Variants in SPIDR observed in about 807,000 individuals in gnomAD.
SPIDR encodes scaffold protein involved in DNA repair.
SPIDR carries 93 observed loss-of-function variants against 104.6 expected under a neutral mutation model. That is an observed-to-expected ratio of 0.89 (90% CI 0.75 to 1.06). The LOEUF is 1.06. SPIDR is among the 50% of genes least tolerant of loss of function. The pLI is 0.00. For synonymous variants in SPIDR, 431 were observed against 416.9 expected, an observed-to-expected ratio of 1.03 and a Z score of -0.41; for missense variants, 1,154 against 1,111.2, an observed-to-expected ratio of 1.04 and a Z score of -0.55.
At chr8:47,613,802 A>G (rs1341028660) in intron 10 of SPIDR, among the ~76,000 whole-genome samples, 3 of 152,064 alleles carry the variant, frequency 2.0e-5, no homozygotes, top group Non-Finnish European at 4.4e-5. Context: ...TGATTTTTCA[A>G]GTCTTTTTTT....
chr8:47,442,910 T>C (rs888153924), intron 8 of SPIDR, among the ~76,000 whole-genome samples: 34 of 152,192 alleles, frequency 2.2e-4, no homozygotes, highest in Non-Finnish European at 4.3e-4. Context: ...CCTTCTCAAC[T>C]TCTCATTTTT....
At chr8:47,717,221 A>G (rs1022487799) in intron 16 of SPIDR, among the ~76,000 whole-genome samples, 3 of 152,118 alleles carry the variant, frequency 2.0e-5, no homozygotes, top group African/African-American at 7.2e-5. Context: ...GCTCATGTAT[A>G]AGGACATCCC....
intron 11 of SPIDR, among the ~76,000 whole-genome samples, chr8:47,683,608 T>C (rs1447678662): frequency 2.6e-5 from 4 of 152,214 alleles, no homozygotes; most frequent in African/African-American, 9.7e-5. Flanking sequence ...TTTTGAAATA[T>C]GTGCATTATA....
intron 8 of SPIDR, among the ~76,000 whole-genome samples, chr8:47,484,942 T>G (rs1265217680): frequency 6.6e-6 from 1 of 152,156 alleles, no homozygotes; most frequent in East Asian, 1.9e-4. Flanking sequence ...ATGGGTGATA[T>G]CTGCATTTCC....
At chr8:47,358,104 C>T (rs2054920268) in intron 5 of SPIDR, among the ~76,000 whole-genome samples, 1 of 152,166 alleles carries the variant, frequency 6.6e-6, no homozygotes, top group Non-Finnish European at 1.5e-5. Context: ...TTAGGTCTCG[C>T]TCTGTTGCCC....
chr8:47,384,439 C>CT (rs1160396506), intron 5 of SPIDR, among the ~76,000 whole-genome samples: 1 of 151,984 alleles, frequency 6.6e-6, no homozygotes, highest in African/African-American at 2.4e-5. Flanking sequence ...ATTACTTTTT[C>CT]TTTTTTTTAG....
At position 47,729,098 on chromosome 8, in the gene SPIDR, C is replaced by T. The variant is rs1172569171; in HGVS notation, c.2550+51C>T. On this transcript the variant is annotated intron_variant, in intron 18 of 19. Coordinates refer to ENST00000297423, the MANE Select transcript of SPIDR (RefSeq NM_001080394.4). ...GCACTCCTAGCTCACTCCAACATAG[C>T]GAAGGTGAGACAGAGCTGAAGCAGG... 8 of 1,600,460 alleles carry T rather than the reference C, an allele frequency of 5.0e-6. No homozygotes were observed. Among genetic ancestry groups the T allele is most frequent in the Non-Finnish European group, 6.8e-6 (8 of 1,174,710 alleles).
At chr8:47,639,860 A>C (rs2068575997) in intron 10 of SPIDR, among the ~76,000 whole-genome samples, 1 of 152,072 alleles carries the variant, frequency 6.6e-6, no homozygotes, top group Non-Finnish European at 1.5e-5. Flanking sequence ...AGGCAGGAGA[A>C]TCGCTTGAAC....
chr8:47,719,094 G>C (rs1427489209), intron 16 of SPIDR, among the ~76,000 whole-genome samples: 3 of 152,138 alleles, frequency 2.0e-5, no homozygotes, highest in South Asian at 2.1e-4. Context: ...AGGCACCATT[G>C]GTTTGCCAAT....
chr8:47,727,112 C>T, intron 16 of SPIDR, 88 bp from the exon 17 acceptor site: 1 of 1,113,570 alleles, frequency 9.0e-7, no homozygotes, highest in Non-Finnish European at 1.3e-6. Flanking sequence ...CACGAGGCCC[C>T]TCATGTTGTC....
rs575030812 is a variant in SPIDR, at chr8:47,712,970, C to T, written c.2188+98C>T. On this transcript the variant is annotated intron_variant, in intron 15 of 19. Transcript: ENST00000297423. ...TGGATGCCTCCTTGTTGCTTGGACG[C>T]TGCCGGCACCTTCACGGAGCCCATC... 291 of 1,547,280 alleles carry T rather than the reference C, an allele frequency of 1.9e-4. 5 individuals carry two copies. The South Asian group carries it at 3.3e-3, about 17-fold the overall frequency.
chr8:47,623,728 A>T (rs2065521930), intron 10 of SPIDR, among the ~76,000 whole-genome samples: 1 of 152,226 alleles, frequency 6.6e-6, no homozygotes, highest in Non-Finnish European at 1.5e-5. Flanking sequence ...GAGCACCCAG[A>T]TTCATAAAGC....
In SPIDR at chr8:47,688,215, C is replaced by T. The variant is rs563308440; in HGVS notation, c.1686-12188C>T. 3.3e-5 allele frequency among the ~76,000 whole-genome samples: 5 copies of T among 152,170 alleles called. No individual in the cohort carries two copies. In the East Asian group the frequency reaches 7.7e-4, roughly 24 times the overall value. ...TGCAATCTTGGCTCACTGCAAGCCC[C>T]GCCTCCTGGATTCACACCATTCTTA... is the stretch of plus-strand genomic sequence containing the variant. On this transcript the variant is annotated intron_variant, in intron 11 of 19. Transcript: ENST00000297423.
chr8:47,453,239 A>G (rs1172919506), intron 8 of SPIDR, among the ~76,000 whole-genome samples: 1 of 152,180 alleles, frequency 6.6e-6, no homozygotes, highest in Non-Finnish European at 1.5e-5. Flanking sequence ...AGGAACAAAC[A>G]TTCCATGCTC....
chr8:47,333,496 G>T (rs1258886545), intron 5 of SPIDR, among the ~76,000 whole-genome samples: 70 of 151,966 alleles, frequency 4.6e-4, no homozygotes, highest in Non-Finnish European at 1.5e-4. Context: ...TAGAGACAGG[G>T]TTTCACCATG....
chr8:47,291,931 A>G (rs2039980902), intron 4 of SPIDR, among the ~76,000 whole-genome samples: 5 of 152,176 alleles, frequency 3.3e-5, no homozygotes, highest in African/African-American at 9.6e-5. Flanking sequence ...TTTGGGCCAG[A>G]TGATTCTTTG....
rs2086187368 is a variant in SPIDR, at chr8:47,735,767, G to T, written c.*317G>T. 1 of 524,736 alleles carries T rather than the reference G, an allele frequency of 1.9e-6. No individual in the cohort carries two copies. The highest frequency in any genetic ancestry group is 3.3e-6 in the Non-Finnish European group (1 of 299,568). The allele number at this position is 524,736 out of a possible 1,614,324, so 32.5% of individuals were successfully genotyped here. On this transcript the variant is annotated 3_prime_UTR_variant, in exon 20 of 20. Transcript: ENST00000297423. ...AGAAAAAAATTTTTTTTGTTCATTT[G>T]TAATTTTAACAAGTTGAACATTTTA...
At chr8:47,529,583 A>T (rs911349122) in intron 8 of SPIDR, among the ~76,000 whole-genome samples, 4 of 152,178 alleles carry the variant, frequency 2.6e-5, no homozygotes, top group African/African-American at 9.7e-5. Flanking sequence ...ACCTTGCAAG[A>T]AATGTTAAAA....
At chr8:47,562,217 A>G (rs2057172945) in intron 8 of SPIDR, among the ~76,000 whole-genome samples, 1 of 152,180 alleles carries the variant, frequency 6.6e-6, no homozygotes. Context: ...CTTGGATGGT[A>G]TTTGTGACCA....
Sources: gnomAD v4.1 joint callset for allele counts (sites outside exome capture counted in the v4.1 genomes callset) on GRCh38, gnomAD v4.1.1 for gene constraint, MANE v1.5 for transcripts, NCBI Gene and HGNC (gene_info 2026-07-23, HGNC 2026-07-21) for gene names.